S100A13: variants seen among roughly 807,000 people sequenced by gnomAD.
S100A13 encodes S100 calcium binding protein A13.
A neutral mutation model predicts 8.2 loss-of-function variants in S100A13; 6 were observed. The ratio of observed to expected loss-of-function variants is 0.73; its 90% confidence interval spans 0.40 to 1.44. The LOEUF (loss-of-function observed/expected upper bound fraction) is 1.44. S100A13 is among the 40% of genes most tolerant of loss of function. The pLI is 0.02. For missense variants in S100A13, 114 were observed against 113.6 expected, an observed-to-expected ratio of 1.00 and a Z score of -0.02; for synonymous variants, 39 against 45.9, an observed-to-expected ratio of 0.85 and a Z score of 0.61.
chr1:153,628,632 G>A (rs1445697569), upstream of S100A13: 5 of 1,399,138 alleles, frequency 3.6e-6, no homozygotes, highest in East Asian at 1.3e-4. Flanking sequence ...TCAGGGTGAG[G>A]GCAGTTTGGG....
Position 153,621,017 on chromosome 1 carries a change from C to T in S100A13, c.154-1979G>A, listed in dbSNP as rs560517611. ...CAACTATATATTTCATATTATACCA[C>T]AGGGATATTAAAAAAAACCTTGAAT... On this transcript the variant is annotated intron_variant, in intron 2 of 2. Coordinates refer to ENST00000476133, the MANE Select transcript of S100A13 (RefSeq NM_001024211.2). Among the ~76,000 whole-genome samples, 10 of 151,710 alleles carry T rather than the reference C, an allele frequency of 6.6e-5. No homozygotes were observed. In the East Asian group the frequency reaches 1.2e-3, roughly 18 times the overall value.
chr1:153,619,584 T>A (rs947165884), intron 2 of S100A13, among the ~76,000 whole-genome samples: 2 of 151,952 alleles, frequency 1.3e-5, no homozygotes, highest in Non-Finnish European at 2.9e-5. Flanking sequence ...GGGCATGGAG[T>A]ATCTGGGTTT....
At chr1:153,620,954 A>G (rs1667207270) in intron 2 of S100A13, among the ~76,000 whole-genome samples, 2 of 152,146 alleles carry the variant, frequency 1.3e-5, no homozygotes, top group Non-Finnish European at 2.9e-5. Context: ...TTGGCATCCA[A>G]GGGGGTTCTG....
upstream of S100A13, chr1:153,631,804 C>G (rs1450017558): frequency 1.2e-6 from 2 of 1,614,160 alleles, no homozygotes; most frequent in Admixed American, 3.3e-5. Flanking sequence ...GCTGCTCTCA[C>G]AGTGGCCTGT....
chr1:153,625,605 G>T (rs1248099365), intron 2 of S100A13, among the ~76,000 whole-genome samples: 1 of 152,178 alleles, frequency 6.6e-6, no homozygotes, highest in Non-Finnish European at 1.5e-5. Context: ...CCACTGCTAG[G>T]CCTCAGTTTC....
intron 2 of S100A13, among the ~76,000 whole-genome samples, chr1:153,623,099 A>G (rs1667374831): frequency 6.6e-6 from 1 of 152,216 alleles, no homozygotes; most frequent in African/African-American, 2.4e-5. Context: ...CAAAAAAAAA[A>G]AAAGAGGTAT....
upstream of S100A13, chr1:153,630,668 CAT>C (rs1667959634): frequency 1.2e-6 from 2 of 1,613,912 alleles, no homozygotes; most frequent in Non-Finnish European, 8.5e-7. Context: ...TGGATGTGAG[CAT>C]AGAGTGGTGG....
At chr1:153,626,576 C>T in intron 1 of S100A13, 43 bp from the exon 2 acceptor site, 1 of 1,210,894 alleles carries the variant, frequency 8.3e-7, no homozygotes, top group East Asian at 2.4e-5. Context: ...TCAGGGAGCC[C>T]CAAGATGCAG....
chr1:153,626,338 C>T lies in S100A13; in HGVS notation c.135G>A (p.Gln45=), dbSNP rs1334606818. The change falls in exon 2 of 3, where the codon CAG becomes CAA. Residue 45 remains glutamine, a synonymous_variant. Transcript: ENST00000476133. ...TGCCTACCTTGAGCAGATGGGGCAA[C>T]TGCTGGGTAACCAGCTCTTTGAACT... ...VNEFKELVTQ[Q]LPHLLKDVGS... The T allele has an allele frequency of 6.2e-7, 1 of 1,614,178 alleles. No homozygotes were observed. Among genetic ancestry groups the T allele is most frequent in the Admixed American group, 1.7e-5 (1 of 60,026 alleles).
chr1:153,630,965 A>G (rs980657537), upstream of S100A13: 3 of 435,718 alleles, frequency 6.9e-6, no homozygotes, highest in African/African-American at 2.0e-5. Context: ...GGAAATACAC[A>G]GAGCCTTAAC....
At chr1:153,619,648 G>C (rs569284946) in intron 2 of S100A13, among the ~76,000 whole-genome samples, 1 of 152,310 alleles carries the variant, frequency 6.6e-6, no homozygotes, top group South Asian at 2.1e-4. Flanking sequence ...AATGGCAACA[G>C]TAAACTGGAT....
chr1:153,631,523 T>C, upstream of S100A13: 1 of 1,613,640 alleles, frequency 6.2e-7, no homozygotes, highest in Non-Finnish European at 8.5e-7. Flanking sequence ...TGAAAGAGCT[T>C]ATGCTGTAGG....
chr1:153,628,602 G>A (rs1667816756), upstream of S100A13: 1 of 1,467,754 alleles, frequency 6.8e-7, no homozygotes, highest in Non-Finnish European at 9.1e-7. Flanking sequence ...GTGGAGCACT[G>A]AGGATCTGGG....
chr1:153,626,219 C>T lies in S100A13; in HGVS notation c.153+101G>A, dbSNP rs548701659. Reference sequence around the variant, plus strand: ...ATTGACACATGCAGCCACCCACACCCTTTCTTGTGGTCACCTCACCGTACT... The same window carrying T: ...ATTGACACATGCAGCCACCCACACCTTTTCTTGTGGTCACCTCACCGTACT... On this transcript the variant is annotated intron_variant, in intron 2 of 2. Coordinates refer to ENST00000476133, the MANE Select transcript of S100A13 (RefSeq NM_001024211.2). The T allele has an allele frequency of 1.9e-3, 2,029 of 1,081,624 alleles. 7 individuals are homozygous for T. The highest frequency in any genetic ancestry group is 1.7e-3 in the Non-Finnish European group (1,206 of 722,670). The allele number at this position is 1,081,624 out of a possible 1,614,324, so 67.0% of individuals were successfully genotyped here.
intron 1 of S100A13, chr1:153,626,841 A>G (rs1440165711): frequency 5.8e-6 from 1 of 173,158 alleles, no homozygotes; most frequent in Admixed American, 5.7e-5. Context: ...AGACCCCTCT[A>G]CTTGAGAGGA....
At chr1:153,619,182 G>C in intron 2 of S100A13, 144 bp from the exon 3 acceptor site, 1 of 750,854 alleles carries the variant, frequency 1.3e-6, no homozygotes. Context: ...GAAGGAGGCT[G>C]CAGCCCCAAA....
intron 2 of S100A13, among the ~76,000 whole-genome samples, chr1:153,620,878 CAA>C (rs1461944819): frequency 8.6e-5 from 13 of 151,882 alleles, no homozygotes; most frequent in African/African-American, 3.1e-4. Context: ...CCAGCCAGGG[CAA>C]CATTGTGAGA....
chr1:153,631,000 A>T (rs984784335), upstream of S100A13: 3 of 366,540 alleles, frequency 8.2e-6, no homozygotes, highest in African/African-American at 6.2e-5. Flanking sequence ...GGGTTATGAG[A>T]GATTATTAAC....
At chr1:153,619,921 G>A (rs1408486619) in intron 2 of S100A13, among the ~76,000 whole-genome samples, 1 of 152,158 alleles carries the variant, frequency 6.6e-6, no homozygotes, top group East Asian at 1.9e-4. Flanking sequence ...GCCAGTGGAA[G>A]GCAAGGATGG....
Sources: gnomAD v4.1 joint callset for allele counts (sites outside exome capture counted in the v4.1 genomes callset) on GRCh38, gnomAD v4.1.1 for gene constraint, MANE v1.5 for transcripts, NCBI Gene and HGNC (gene_info 2026-07-23, HGNC 2026-07-21) for gene names.